The following DSCAM variants were observed in gnomAD, a reference collection of about 807,000 sequenced individuals.
DSCAM encodes the protein DS cell adhesion molecule.
In DSCAM, 47 loss-of-function variants were observed where a neutral mutation model predicts 217.7. The ratio of observed to expected loss-of-function variants is 0.22; its 90% CI spans 0.17 to 0.28. DSCAM has a LOEUF of 0.28. Ranked by LOEUF, DSCAM falls within the 10% of genes least tolerant of loss-of-function variation. The probability of loss-of-function intolerance (pLI) is 1.00; values close to 1 mark genes in which losing one functional copy is unlikely to be tolerated. For missense variants in DSCAM, 2,080 were observed against 2,618.3 expected, an observed-to-expected ratio of 0.79 and a Z score of 4.49; for synonymous variants, 1,056 against 1,015.3, an observed-to-expected ratio of 1.04 and a Z score of -0.76.
intron 32 of DSCAM, among the ~76,000 whole-genome samples, chr21:40,021,832 A>C (rs935346232): frequency 6.6e-6 from 1 of 152,078 alleles, no homozygotes; most frequent in Non-Finnish European, 1.5e-5. Flanking sequence ...CCCCACATCC[A>C]TCAGCAGATT....
chr21:40,306,815 T>C (rs1450552528), intron 9 of DSCAM, among the ~76,000 whole-genome samples: 1 of 149,994 alleles, frequency 6.7e-6, no homozygotes, highest in Non-Finnish European at 1.5e-5. Flanking sequence ...GTGGATAAGC[T>C]TTTTGATGTG....
At chr21:40,102,885 G>A (rs1178467122) in intron 20 of DSCAM, among the ~76,000 whole-genome samples, 1 of 152,102 alleles carries the variant, frequency 6.6e-6, no homozygotes, top group African/African-American at 2.4e-5. Context: ...TTATGGTCTT[G>A]CATGTGCTTA....
intron 8 of DSCAM, among the ~76,000 whole-genome samples, chr21:40,323,208 G>A (rs965599857): frequency 2.6e-5 from 4 of 152,034 alleles, no homozygotes; most frequent in East Asian, 1.9e-4. Context: ...TTCCCTCCTC[G>A]GTTGTTGATC....
At chr21:40,800,480 G>T (rs941229602) in intron 1 of DSCAM, among the ~76,000 whole-genome samples, 1 of 152,122 alleles carries the variant, frequency 6.6e-6, no homozygotes, top group Non-Finnish European at 1.5e-5. Flanking sequence ...TGGTTAAATG[G>T]TGGTGACCAG....
At chr21:40,590,260 C>T (rs2076974627) in intron 3 of DSCAM, among the ~76,000 whole-genome samples, 2 of 152,204 alleles carry the variant, frequency 1.3e-5, no homozygotes, top group South Asian at 4.1e-4. Context: ...TGGACAATGG[C>T]ACTTTGATAA....
chr21:40,386,527 G>T (rs1315175866), intron 3 of DSCAM, among the ~76,000 whole-genome samples: 1 of 152,232 alleles, frequency 6.6e-6, no homozygotes, highest in Non-Finnish European at 1.5e-5. Context: ...CCGCAGCGTG[G>T]CACAGAGAGC....
chr21:40,428,820 TACAGCG>T (rs1327123733), intron 3 of DSCAM, among the ~76,000 whole-genome samples: 2 of 149,226 alleles, frequency 1.3e-5, no homozygotes, highest in African/African-American at 5.1e-5. Flanking sequence ...TCCTTTATCA[TACAGCG>T]ACCTAATACA....
chr21:40,083,891 A>T lies in DSCAM; in HGVS notation c.4231+17T>A, dbSNP rs1490032102. On this transcript the variant is annotated intron_variant, in intron 24 of 32. Coordinates refer to ENST00000400454, the MANE Select transcript of DSCAM (RefSeq NM_001389.5). ...ACACAACTAATCAACTATTGTGGAC[A>T]ATCTATATCTTATTACCTCTGATAG... The T allele has an allele frequency of 1.9e-6, 3 of 1,590,992 alleles. No individual in the cohort carries two copies. Among genetic ancestry groups the T allele is most frequent in the Non-Finnish European group, 2.6e-6 (3 of 1,165,226 alleles).
At chr21:40,057,521 T>C (rs1208514407) in intron 28 of DSCAM, among the ~76,000 whole-genome samples, 1 of 152,218 alleles carries the variant, frequency 6.6e-6, no homozygotes, top group Non-Finnish European at 1.5e-5. Context: ...TAGTTCCTTC[T>C]GCTCTTCATG....
intron 3 of DSCAM, among the ~76,000 whole-genome samples, chr21:40,439,537 G>A (rs1376019761): frequency 6.6e-6 from 1 of 152,248 alleles, no homozygotes; most frequent in Non-Finnish European, 1.5e-5. Context: ...TCAGACAGAA[G>A]TGGCTGAGAT....
intron 1 of DSCAM, among the ~76,000 whole-genome samples, chr21:40,807,050 T>C (rs745791331): frequency 1.3e-5 from 2 of 152,174 alleles, no homozygotes; most frequent in African/African-American, 2.4e-5. Context: ...ATAGCATGTG[T>C]ATACCTATGT....
chr21:40,818,582 A>AAAGACAAAGTCACAT (rs2091902980), intron 1 of DSCAM, among the ~76,000 whole-genome samples: 1 of 147,938 alleles, frequency 6.8e-6, no homozygotes, highest in Admixed American at 6.7e-5. Context: ...AAAAAAAAAA[A>AAAGACAAAGTCACAT]AAGACAAAGT....
chr21:40,833,707 G>T (rs767737677), intron 1 of DSCAM, among the ~76,000 whole-genome samples: 32 of 152,174 alleles, frequency 2.1e-4, no homozygotes, highest in Non-Finnish European at 4.4e-4. Flanking sequence ...GCAGCCAAAG[G>T]AATTGCAACT....
chr21:40,047,322 C>T (rs1297247499), intron 30 of DSCAM, among the ~76,000 whole-genome samples: 1 of 152,198 alleles, frequency 6.6e-6, no homozygotes, highest in Admixed American at 6.5e-5. Context: ...GTGTAACTTA[C>T]TAGCTCATCT....
chr21:40,160,658 C>T (rs534791857), intron 16 of DSCAM, among the ~76,000 whole-genome samples: 2 of 152,248 alleles, frequency 1.3e-5, no homozygotes, highest in Admixed American at 6.5e-5. Context: ...TAAGGATGAG[C>T]GTCAATAGAT....
At chr21:40,142,113 T>C (rs948539019) in intron 18 of DSCAM, among the ~76,000 whole-genome samples, 1 of 151,978 alleles carries the variant, frequency 6.6e-6, no homozygotes, top group African/African-American at 2.4e-5. Flanking sequence ...AGTGCCCCCC[T>C]CCATGTGCCT....
In DSCAM at chr21:40,708,456, G is replaced by A. The variant is rs756569431; in HGVS notation, c.359C>T (p.Ala120Val). The change falls in exon 2 of 33, where the codon GCT becomes GTT. Residue 120 changes from alanine (A) to valine (V), a missense_variant and splice_region_variant. Around this residue, in one of 5 missense-constraint regions of DSCAM, gnomAD observed 568 missense variants for 678.1 expected, o/e 0.84. Coordinates refer to ENST00000400454, the MANE Select transcript of DSCAM (RefSeq NM_001389.5). Reference protein sequence around the residue: ...KIRSQDVHIKAVLREPYTVRV... With the variant: ...KIRSQDVHIKVVLREPYTVRV... ...ACAAAGCCCAGAGCTGTACTCACCA[G>A]CCTTGATGTGGACATCCTGACTTCT... 2.7e-6 allele frequency: 4 copies of A among 1,503,688 alleles called. No individual in the cohort carries two copies. The highest frequency in any genetic ancestry group is 2.7e-6 in the Non-Finnish European group (3 of 1,123,422). 93.1% of individuals were successfully genotyped at this position (1,503,688 alleles called of 1,614,324 possible).
At chr21:40,114,164 A>G (rs2089937034) in intron 20 of DSCAM, among the ~76,000 whole-genome samples, 2 of 147,836 alleles carry the variant, frequency 1.4e-5, no homozygotes, top group Admixed American at 6.8e-5. Flanking sequence ...TTCAAACTAT[A>G]CTACAAGGCT....
intron 3 of DSCAM, among the ~76,000 whole-genome samples, chr21:40,573,412 A>G (rs1024492335): frequency 7.9e-5 from 12 of 152,174 alleles, no homozygotes; most frequent in Non-Finnish European, 2.9e-5. Context: ...TGAAAATTAA[A>G]CAACATGTTT....
Sources: allele counts gnomAD v4.1 joint callset (sites outside exome capture counted in the v4.1 genomes callset), GRCh38; gene constraint gnomAD v4.1.1; regional missense constraint gnomAD v4.1.1; transcripts MANE v1.5; gene names NCBI Gene and HGNC (gene_info 2026-07-23, HGNC 2026-07-21).